PKHD1: variants seen among roughly 807,000 people sequenced by gnomAD.
The protein encoded by PKHD1 is fibrocystin.
Under a neutral mutation model 412.0 loss-of-function variants are expected in PKHD1, and 291 were observed. The ratio of observed to expected loss-of-function variants is 0.71; its 90% CI spans 0.64 to 0.78. The LOEUF (loss-of-function observed/expected upper bound fraction) is 0.78, where lower values mean the gene tolerates loss of function less well. PKHD1 is among the 30% of genes least tolerant of loss of function. The probability of loss-of-function intolerance (pLI) is 0.00; values close to 1 mark genes in which losing one functional copy is unlikely to be tolerated. For missense variants in PKHD1, 4,825 were observed against 4,950.7 expected (o/e 0.97, Z 0.76); for synonymous variants, 1,777 against 1,821.5 (o/e 0.98, Z 0.62).
At chr6:51,933,474 T>C (rs997717215) in intron 37 of PKHD1, among the ~76,000 whole-genome samples, 10 of 152,230 alleles carry the variant, frequency 6.6e-5, no homozygotes, top group African/African-American at 2.4e-4. Flanking sequence ...GGCTACTGCA[T>C]GTTGAGAGAC....
intron 47 of PKHD1, among the ~76,000 whole-genome samples, chr6:51,868,533 C>T (rs1397812628): frequency 6.6e-6 from 1 of 152,084 alleles, no homozygotes; most frequent in Non-Finnish European, 1.5e-5. Context: ...ACAATCCCCA[C>T]AACAAAGAAT....
At chr6:51,914,035 C>A (rs1373772644) in intron 37 of PKHD1, among the ~76,000 whole-genome samples, 1 of 152,002 alleles carries the variant, frequency 6.6e-6, no homozygotes, top group Admixed American at 6.6e-5. Flanking sequence ...TTCTTGAATG[C>A]CTACATAGAA....
At position 51,675,510 on chromosome 6, in the gene PKHD1, C is replaced by A. The variant is rs184182611; in HGVS notation, c.10157-15541G>T. Reference sequence around the variant, plus strand: ...GTCATTTACAATTTACCACTAAACACGTTTATTCAGTTAGTAGCACACTGG... The same window carrying A: ...GTCATTTACAATTTACCACTAAACAAGTTTATTCAGTTAGTAGCACACTGG... On this transcript the variant is annotated intron_variant, in intron 60 of 66. Coordinates refer to ENST00000371117, the MANE Select transcript of PKHD1 (RefSeq NM_138694.4). Among the ~76,000 whole-genome samples, 333 of 152,178 alleles carry A rather than the reference C, an allele frequency of 2.2e-3. 1 individual carries two copies. Among genetic ancestry groups the A allele is most frequent in the African/African-American group, 7.8e-3 (324 of 41,520 alleles).
Position 51,944,359 on chromosome 6 carries a change from G to A in PKHD1, c.5909-10037C>T, listed in dbSNP as rs553123557. Among the ~76,000 whole-genome samples, 63 of 152,256 alleles carry A rather than the reference G, an allele frequency of 4.1e-4. 1 individual carries two copies. Among genetic ancestry groups the A allele is most frequent in the African/African-American group, 1.4e-3 (57 of 41,564 alleles). On this transcript the variant is annotated intron_variant, in intron 36 of 66. Coordinates refer to ENST00000371117, the MANE Select transcript of PKHD1 (RefSeq NM_138694.4). ...TTCGGACTCAGCCCACCTGCACCCA[G>A]GTGAAATAAACAGCCTTGTTGCTCA...
At chr6:51,927,566 G>A (rs1005427044) in intron 37 of PKHD1, among the ~76,000 whole-genome samples, 1 of 152,132 alleles carries the variant, frequency 6.6e-6, no homozygotes, top group African/African-American at 2.4e-5. Context: ...AGAGCGAGGT[G>A]TGAAACTACT....
rs1358816681 is a variant in PKHD1, at chr6:51,901,017, A to T, written c.6996+2580T>A. Reference sequence around the variant, plus strand: ...GGCAATCATTAAAAAGTCAGGAAACAACAGGTGCTGGAGAGGATGTGGAGA... The same window carrying T: ...GGCAATCATTAAAAAGTCAGGAAACTACAGGTGCTGGAGAGGATGTGGAGA... On this transcript the variant is annotated intron_variant, in intron 43 of 66. Coordinates refer to ENST00000371117, the MANE Select transcript of PKHD1 (RefSeq NM_138694.4). 7.2e-5 allele frequency among the ~76,000 whole-genome samples: 11 copies of T among 152,132 alleles called. No individual in the cohort carries two copies. The South Asian group carries it at 2.3e-3, about 32-fold the overall frequency.
At position 52,028,367 on chromosome 6, in the gene PKHD1, T is replaced by A; in HGVS notation, c.3365-16A>T. The A allele has an allele frequency of 1.2e-6, 2 of 1,610,386 alleles. No individual in the cohort carries two copies. The highest frequency in any genetic ancestry group is 1.7e-6 in the Non-Finnish European group (2 of 1,177,774). ...GTCTCACCGCCTGTGTTGAGAAGAATCCAATAGCCTCTGACATGTGGGGTT... is the reference window on the plus strand; with the variant it reads ...GTCTCACCGCCTGTGTTGAGAAGAAACCAATAGCCTCTGACATGTGGGGTT... On this transcript the variant is annotated splice_polypyrimidine_tract_variant and intron_variant, in intron 29 of 66. Transcript: ENST00000371117.
chr6:51,931,230 C>T (rs1189609215), intron 37 of PKHD1, among the ~76,000 whole-genome samples: 1 of 152,096 alleles, frequency 6.6e-6, no homozygotes, highest in Non-Finnish European at 1.5e-5. Context: ...TTACAAAAAC[C>T]TCTCCCAAAA....
intron 57 of PKHD1, among the ~76,000 whole-genome samples, chr6:51,750,067 C>A (rs1785830469): frequency 1.3e-5 from 2 of 152,122 alleles, no homozygotes; most frequent in South Asian, 4.1e-4. Flanking sequence ...TCTCCACTAC[C>A]TTTTCAGAAA....
In PKHD1 at chr6:51,847,825, T is replaced by C; in HGVS notation, c.8057A>G (p.Gln2686Arg). The change falls in exon 50 of 67, where the codon CAA becomes CGA. Residue 2686 changes from glutamine (Q) to arginine (R), a missense_variant. Gln to Arg is a conservative substitution (Grantham distance 43). Coordinates refer to ENST00000371117, the MANE Select transcript of PKHD1 (RefSeq NM_138694.4). ...GCTATTGAAGAACCAGTCACAGCCTTGGTTCTGACCTGGTGATGGAAGAAA... is the reference window on the plus strand; with the variant it reads ...GCTATTGAAGAACCAGTCACAGCCTCGGTTCTGACCTGGTGATGGAAGAAA... ...FPFLPSPGQNQGCDWFFNSQL... is the reference protein window; with the variant it reads ...FPFLPSPGQNRGCDWFFNSQL... 1.2e-6 allele frequency: 2 copies of C among 1,614,064 alleles called. No homozygotes were observed. Among genetic ancestry groups the C allele is most frequent in the South Asian group, 2.2e-5 (2 of 91,074 alleles).
rs1812188691 is a variant in PKHD1, at chr6:52,082,498, C to T, written c.175G>A (p.Glu59Lys). Reference sequence around the variant, plus strand: ...ATGTTCACGTTCACCAGGTGTATCTCCAATTGAGAGCCATTGTTGGGGTAA... The same window carrying T: ...ATGTTCACGTTCACCAGGTGTATCTTCAATTGAGAGCCATTGTTGGGGTAA... ...VLYPNNGSQLEIHLVNVNMVV... is the reference protein window; with the variant it reads ...VLYPNNGSQLKIHLVNVNMVV... Residue 59 changes from glutamate (E) to lysine (K), a missense_variant, in exon 4 of 67, where the codon GAG (glutamate) becomes AAG (lysine). Glu to Lys is a moderately conservative substitution (Grantham distance 56). Transcript: ENST00000371117. 2 of 1,614,040 alleles carry T rather than the reference C, an allele frequency of 1.2e-6. No homozygotes were observed. Among genetic ancestry groups the T allele is most frequent in the Non-Finnish European group, 1.7e-6 (2 of 1,179,934 alleles).
chr6:51,975,636 A>AAC (rs932851129), intron 35 of PKHD1: 20 of 151,440 alleles, frequency 1.3e-4, no homozygotes, highest in African/African-American at 4.4e-4. Flanking sequence ...TAAAAAAAAA[A>AAC]AAAAACAAAA....
intron 23 of PKHD1, among the ~76,000 whole-genome samples, 174 bp downstream of exon 23, chr6:52,048,312 TTAACAA>T (rs1269787247): frequency 2.0e-5 from 3 of 152,234 alleles, no homozygotes; most frequent in Admixed American, 1.3e-4. Context: ...TGGGGTAGCA[TTAACAA>T]TAAGTCCCTT....
At chr6:52,015,256 A>AT (rs899834837) in intron 34 of PKHD1, among the ~76,000 whole-genome samples, 4 of 151,972 alleles carry the variant, frequency 2.6e-5, no homozygotes, top group Non-Finnish European at 5.9e-5. Context: ...TTCATTGCAA[A>AT]TTTTTTTTGA....
intron 33 of PKHD1, among the ~76,000 whole-genome samples, chr6:52,017,970 T>A (rs1349108376): frequency 6.6e-6 from 1 of 152,226 alleles, no homozygotes; most frequent in Non-Finnish European, 1.5e-5. Context: ...TTTTAAATAG[T>A]TTTATCACAA....
At chr6:51,770,570 T>G (rs1028926524) in intron 55 of PKHD1, among the ~76,000 whole-genome samples, 3 of 151,948 alleles carry the variant, frequency 2.0e-5, no homozygotes, top group Non-Finnish European at 2.9e-5. Context: ...TGTACTTACT[T>G]TCTTATTTCT....
At chr6:51,718,622 T>C (rs530534066) in intron 60 of PKHD1, among the ~76,000 whole-genome samples, 1 of 152,334 alleles carries the variant, frequency 6.6e-6, no homozygotes, top group Non-Finnish European at 1.5e-5. Context: ...CTATACTATG[T>C]CACATTCATT....
chr6:52,059,266 T>C (rs1283595007), intron 15 of PKHD1, among the ~76,000 whole-genome samples: 73 of 135,294 alleles, frequency 5.4e-4, no homozygotes, highest in Admixed American at 5.1e-4. Context: ...TTTCTTTTTT[T>C]TTTTTTTTTT....
chr6:51,667,880 G>T (rs1397320347), intron 60 of PKHD1, among the ~76,000 whole-genome samples: 1 of 151,652 alleles, frequency 6.6e-6, no homozygotes, highest in Non-Finnish European at 1.5e-5. Context: ...ATTTCTGAGG[G>T]CTCTGTTCTG....
Sources: gnomAD v4.1 joint callset for allele counts (sites outside exome capture counted in the v4.1 genomes callset) on GRCh38, gnomAD v4.1.1 for gene constraint, MANE v1.5 for transcripts, NCBI Gene and HGNC (gene_info 2026-07-23, HGNC 2026-07-21) for gene names.